The following ESRP1 variants were observed in gnomAD, a reference collection of about 807,000 sequenced individuals.
ESRP1 encodes the protein epithelial splicing regulatory protein 1.
ESRP1 carries 33 observed loss-of-function variants against 81.7 expected under a neutral mutation model. That is an observed-to-expected ratio of 0.40 (90% CI 0.31 to 0.54). The LOEUF (loss-of-function observed/expected upper bound fraction) is 0.54. ESRP1 is among the 20% of genes least tolerant of loss of function. ESRP1 has a pLI of 0.41. For missense variants in ESRP1, 672 were observed against 833.1 expected (o/e 0.81, Z 2.38); for synonymous variants, 320 against 303.3 (o/e 1.06, Z -0.57).
Position 94,707,181 on chromosome 8 carries a change from T to C in ESRP1, c.*1292T>C, listed in dbSNP as rs1414562195. ...ATGAGGCTGCTATTTTTATTTTCTG[T>C]GCATTACTTTAACACCTTAAAGGGA... is the stretch of plus-strand genomic sequence containing the variant. On this transcript the variant is annotated 3_prime_UTR_variant, in exon 16 of 16. Coordinates refer to ENST00000433389, the MANE Select transcript of ESRP1 (RefSeq NM_017697.4). The C allele has an allele frequency of 6.6e-6, 1 of 152,200 alleles. No homozygotes were observed. The highest frequency in any genetic ancestry group is 6.5e-5 in the Admixed American group (1 of 15,278). 9.4% of individuals were successfully genotyped at this position (152,200 alleles called of 1,614,324 possible).
intron 13 of ESRP1, among the ~76,000 whole-genome samples, chr8:94,681,305 G>A (rs1372787767): frequency 8.3e-5 from 9 of 108,876 alleles, no homozygotes; most frequent in Admixed American, 1.3e-4. Flanking sequence ...CAGCCTGGGT[G>A]ACAGAGCAAG....
chr8:94,674,250 A>T (rs907747599), intron 11 of ESRP1, 58 bp from the exon 12 acceptor site: 5 of 1,555,018 alleles, frequency 3.2e-6, no homozygotes, highest in Non-Finnish European at 4.4e-6. Flanking sequence ...GTAAGCAACC[A>T]TTTCCTTGTT....
At chr8:94,655,123 C>T (rs1352069352) in intron 4 of ESRP1, among the ~76,000 whole-genome samples, 5 of 149,074 alleles carry the variant, frequency 3.4e-5, no homozygotes, top group African/African-American at 5.0e-5. Flanking sequence ...TTTGATACGG[C>T]GTCTCACCCA....
chr8:94,660,297 C>T (rs996443788), intron 4 of ESRP1, among the ~76,000 whole-genome samples: 3 of 152,278 alleles, frequency 2.0e-5, no homozygotes, highest in South Asian at 2.1e-4. Context: ...AAAATCCTAG[C>T]GTTCTGAAGA....
intron 15 of ESRP1, among the ~76,000 whole-genome samples, chr8:94,697,488 T>C (rs932442937): frequency 2.0e-5 from 3 of 152,264 alleles, no homozygotes; most frequent in African/African-American, 7.2e-5. Context: ...TGTGACCTTT[T>C]CTGTGTTTGT....
intron 15 of ESRP1, among the ~76,000 whole-genome samples, chr8:94,701,536 G>A (rs148530721): frequency 2.0e-5 from 3 of 152,224 alleles, no homozygotes; most frequent in Non-Finnish European, 4.4e-5. Context: ...TCCTCAGATC[G>A]CCAGAAAGGG....
chr8:94,700,546 T>A (rs1189569216), intron 15 of ESRP1, among the ~76,000 whole-genome samples: 1 of 152,220 alleles, frequency 6.6e-6, no homozygotes, highest in Non-Finnish European at 1.5e-5. Flanking sequence ...ATTCCTGGCC[T>A]CCAGAATTGT....
rs55760931 is a variant in ESRP1 at position 94,705,903 on chromosome 8, CTT to C, written c.*36-5_*36-4del. ...AGACTATAACATTTCCTTTTATTCA[CTT>C]TTTTTTTTTTTTTTTTCAGTGTTTG... On this transcript the variant is annotated intron_variant, in intron 15 of 15. Transcript: ENST00000433389. 0.041 allele frequency: 54,888 copies of C among 1,326,920 alleles called. 346 individuals carry two copies. The highest frequency in any genetic ancestry group is 0.17 in the African/African-American group (10,545 of 61,242). 82.2% of individuals were successfully genotyped at this position (1,326,920 alleles called of 1,614,324 possible). A position where few individuals can be genotyped will look rare whatever the true frequency, so the allele number is the denominator to read the frequency against.
chr8:94,680,038 C>T (rs1224366259), intron 13 of ESRP1, among the ~76,000 whole-genome samples: 1 of 152,146 alleles, frequency 6.6e-6, no homozygotes, highest in Non-Finnish European at 1.5e-5. Flanking sequence ...GATTTTCTCT[C>T]TCTTTCTCAA....
chr8:94,647,466 G>A (rs1817906809), intron 4 of ESRP1, among the ~76,000 whole-genome samples: 1 of 152,196 alleles, frequency 6.6e-6, no homozygotes. Context: ...TGGAGGCTGG[G>A]ATGTCCAAGA....
chr8:94,666,796 G>C (rs1169099060), intron 9 of ESRP1, among the ~76,000 whole-genome samples: 1 of 151,770 alleles, frequency 6.6e-6, no homozygotes, highest in Admixed American at 6.6e-5. Context: ...GGTTGCTGTG[G>C]TTTTACCTAA....
chr8:94,686,280 C>T (rs1809137441), intron 13 of ESRP1, among the ~76,000 whole-genome samples: 1 of 152,186 alleles, frequency 6.6e-6, no homozygotes, highest in South Asian at 2.1e-4. Context: ...TGGAGGAAGT[C>T]TTCAGCAACT....
chr8:94,698,670 G>C (rs528669419), intron 15 of ESRP1, among the ~76,000 whole-genome samples: 88 of 152,246 alleles, frequency 5.8e-4, no homozygotes, highest in African/African-American at 2.0e-3. Flanking sequence ...CATCATTTTT[G>C]AGTTGAGTTT....
chr8:94,705,859 T>A (rs1391563417), intron 15 of ESRP1, 66 bp from the exon 16 acceptor site: 1 of 1,355,064 alleles, frequency 7.4e-7, no homozygotes. Context: ...TTTTTGTGGC[T>A]GCTGAGAATG....
At chr8:94,662,169 G>A in intron 4 of ESRP1, 103 bp from the exon 5 acceptor site, 6 of 681,274 alleles carry the variant, frequency 8.8e-6, no homozygotes, top group Non-Finnish European at 7.3e-6. Flanking sequence ...AGGAAGCTCA[G>A]CTAGATCCAT....
Position 94,706,970 on chromosome 8 carries a change from T to C in ESRP1, c.*1081T>C, listed in dbSNP as rs1228576836. The C allele has an allele frequency of 6.6e-6, 1 of 152,256 alleles. No individual in the cohort carries two copies. The highest frequency in any genetic ancestry group is 2.4e-5 in the African/African-American group (1 of 41,468). The allele number at this position is 152,256 out of a possible 1,614,324, so 9.4% of individuals were successfully genotyped here. ...CTGATGCAATTAGAACAGGTACTGATGCTGTCAGTGTTTAACACTATGTTT... is the reference window on the plus strand; with the variant it reads ...CTGATGCAATTAGAACAGGTACTGACGCTGTCAGTGTTTAACACTATGTTT... On this transcript the variant is annotated 3_prime_UTR_variant, in exon 16 of 16. Transcript: ENST00000433389.
rs1810097328 is a variant in ESRP1, at chr8:94,707,192, A to G, written c.*1303A>G. ...ATTTTTATTTTCTGTGCATTACTTT[A>G]ACACCTTAAAGGGAGAAGCAAACAT... is the stretch of plus-strand genomic sequence containing the variant. On this transcript the variant is annotated 3_prime_UTR_variant, in exon 16 of 16. Coordinates refer to ENST00000433389, the MANE Select transcript of ESRP1 (RefSeq NM_017697.4). 6.6e-6 allele frequency: 1 copy of G among 152,180 alleles called. No individual in the cohort carries two copies. The highest frequency in any genetic ancestry group is 2.4e-5 in the African/African-American group (1 of 41,442). 9.4% of individuals were successfully genotyped at this position (152,180 alleles called of 1,614,324 possible). A position where few individuals can be genotyped will look rare whatever the true frequency, so the allele number is the denominator to read the frequency against.
At chr8:94,680,594 A>G (rs1808834982) in intron 13 of ESRP1, among the ~76,000 whole-genome samples, 1 of 151,950 alleles carries the variant, frequency 6.6e-6, no homozygotes, top group South Asian at 2.1e-4. Flanking sequence ...TGCCCGGCTA[A>G]TTTTATGTTT....
intron 4 of ESRP1, among the ~76,000 whole-genome samples, chr8:94,661,778 A>T (rs928278481): frequency 6.6e-6 from 1 of 152,194 alleles, no homozygotes; most frequent in African/African-American, 2.4e-5. Context: ...CTATAATAGA[A>T]TTTCTAAGCA....
Sources: allele counts gnomAD v4.1 joint callset (sites outside exome capture counted in the v4.1 genomes callset), GRCh38; gene constraint gnomAD v4.1.1; transcripts MANE v1.5; gene names NCBI Gene and HGNC (gene_info 2026-07-23, HGNC 2026-07-21).